MFF: variants seen among roughly 807,000 people sequenced by gnomAD.
MFF encodes the protein mitochondrial fission factor, also known as chromosome 2 open reading frame 33.
A neutral mutation model predicts 36.9 loss-of-function variants in MFF; 12 were observed. The observed-to-expected ratio is 0.33, with a 90% confidence interval of 0.21 to 0.53. MFF has a LOEUF of 0.53. Among genes scored for constraint, MFF ranks in the 20% least tolerant of loss-of-function variants. The pLI is 0.95. For missense variants in MFF, 348 were observed against 366.6 expected (o/e 0.95, Z 0.42); for synonymous variants, 99 against 126.2 (o/e 0.78, Z 1.44).
intron 6 of MFF, chr2:227,351,604 C>G (rs4553817): frequency 6.6e-6 from 1 of 152,110 alleles, no homozygotes; most frequent in Non-Finnish European, 1.5e-5. Flanking sequence ...CTCCAGTCTC[C>G]TTTCTCTGCT....
At chr2:227,330,873 C>G (rs1423925528) in intron 3 of MFF, 27 bp downstream of exon 3, 1 of 1,464,648 alleles carries the variant, frequency 6.8e-7, no homozygotes, top group South Asian at 1.3e-5. Context: ...TAGAAGGTTG[C>G]CTGTTAAATC....
At chr2:227,335,228 A>T (rs2074906254) in intron 4 of MFF, among the ~76,000 whole-genome samples, 1 of 152,042 alleles carries the variant, frequency 6.6e-6, no homozygotes, top group Non-Finnish European at 1.5e-5. Context: ...CCTTGAAAAC[A>T]TGTAAAGTTT....
At position 227,356,965 on chromosome 2, in the gene MFF, G is replaced by C. The variant is rs750672659; in HGVS notation, c.745-21G>C. On this transcript the variant is annotated intron_variant, in intron 8 of 8. Coordinates refer to ENST00000304593, the MANE Select transcript of MFF (RefSeq NM_001277062.2). Reference sequence around the variant, plus strand: ...TTAAAGCCTCTATATTATATTTTTTGTGTGTTTGTTTTTCACTTAGATAAT... The same window carrying C: ...TTAAAGCCTCTATATTATATTTTTTCTGTGTTTGTTTTTCACTTAGATAAT... The C allele has an allele frequency of 1.8e-5, 28 of 1,587,200 alleles. No homozygotes were observed. The Admixed American group carries it at 4.8e-4, about 27-fold the overall frequency.
At chr2:227,333,931 G>T (rs1233121439) in intron 4 of MFF, among the ~76,000 whole-genome samples, 1 of 152,116 alleles carries the variant, frequency 6.6e-6, no homozygotes, top group Admixed American at 6.5e-5. Context: ...AAGTTTGCCG[G>T]GATTTCCCTC....
chr2:227,351,976 G>C (rs1014827520), intron 6 of MFF: 2 of 152,730 alleles, frequency 1.3e-5, no homozygotes, highest in African/African-American at 4.8e-5. Flanking sequence ...AGACACAGCT[G>C]CAACGAGACA....
intron 4 of MFF, among the ~76,000 whole-genome samples, chr2:227,332,839 G>A (rs1033540099): frequency 2.6e-5 from 4 of 152,222 alleles, no homozygotes; most frequent in African/African-American, 9.6e-5. Flanking sequence ...TGAAGAAAGA[G>A]CCTTTATGGG....
At chr2:227,344,442 T>C (rs2075595388) in intron 5 of MFF, among the ~76,000 whole-genome samples, 1 of 152,220 alleles carries the variant, frequency 6.6e-6, no homozygotes, top group African/African-American at 2.4e-5. Context: ...AAAGCGCTGT[T>C]TCCCTCCACA....
chr2:227,344,195 A>G (rs2075577713), intron 5 of MFF, among the ~76,000 whole-genome samples: 1 of 152,168 alleles, frequency 6.6e-6, no homozygotes. Flanking sequence ...AAAATTTTCT[A>G]ATCTTTTCTT....
At position 227,340,379 on chromosome 2, in the gene MFF, CTG is replaced by C. The variant is rs1491399391; in HGVS notation, c.440+2_440+3del. ...TGGACAGCTGGTCAGAAATGATTCTCTGTGAGTAGAAGCACTAGCATTTTATC... is the reference window on the plus strand; with the variant it reads ...TGGACAGCTGGTCAGAAATGATTCTCTGAGTAGAAGCACTAGCATTTTATC... On this transcript the variant is annotated splice_donor_variant and coding_sequence_variant, in exon 5 of 9. Coordinates refer to ENST00000304593, the MANE Select transcript of MFF (RefSeq NM_001277062.2). LOFTEE classifies it high-confidence loss of function. 1.2e-6 allele frequency: 2 copies of C among 1,611,106 alleles called. No homozygotes were observed. The highest frequency in any genetic ancestry group is 2.2e-5 in the East Asian group (1 of 44,852).
intron 7 of MFF, among the ~76,000 whole-genome samples, chr2:227,353,802 A>G (rs1234486821): frequency 1.3e-5 from 2 of 152,202 alleles, no homozygotes; most frequent in Non-Finnish European, 2.9e-5. Context: ...CAGGATATAA[A>G]TTGTGAGTAA....
intron 1 of MFF, among the ~76,000 whole-genome samples, chr2:227,326,835 AT>A (rs1250344387): frequency 2.6e-5 from 4 of 152,128 alleles, no homozygotes; most frequent in Non-Finnish European, 5.9e-5. Flanking sequence ...TGAAAAGTAC[AT>A]AAACATTTGC....
intron 6 of MFF, among the ~76,000 whole-genome samples, chr2:227,349,252 A>G (rs1484295448): frequency 6.6e-6 from 1 of 152,126 alleles, no homozygotes; most frequent in Non-Finnish European, 1.5e-5. Context: ...ATAATGTGGA[A>G]CTTATAAAAA....
At chr2:227,340,217 G>T in intron 4 of MFF, 75 bp from the exon 5 acceptor site, 1 of 1,250,240 alleles carries the variant, frequency 8.0e-7, no homozygotes, top group South Asian at 1.3e-5. Flanking sequence ...TTGTATCGAG[G>T]TTCTTTTGAT....
chr2:227,346,751 G>A (rs1475627192), intron 5 of MFF: 1 of 125,684 alleles, frequency 8.0e-6, no homozygotes, highest in Non-Finnish European at 1.7e-5. Context: ...TTTACGAAGT[G>A]TTTGAAATGG....
At chr2:227,330,517 T>G in intron 2 of MFF, 109 bp from the exon 3 acceptor site, 1 of 722,478 alleles carries the variant, frequency 1.4e-6, no homozygotes, top group Non-Finnish European at 2.3e-6. Context: ...TACTTGCAAA[T>G]GAGAAGTTTC....
At chr2:227,351,471 A>G (rs1425926358) in intron 6 of MFF, among the ~76,000 whole-genome samples, 1 of 152,060 alleles carries the variant, frequency 6.6e-6, no homozygotes, top group Non-Finnish European at 1.5e-5. Flanking sequence ...GGTATTAAAC[A>G]TTTACCATTA....
intron 1 of MFF, among the ~76,000 whole-genome samples, chr2:227,328,306 AAAAAAAAAAAAAAAC>A (rs1223294102): frequency 1.4e-5 from 2 of 146,202 alleles, no homozygotes; most frequent in African/African-American, 2.5e-5. Flanking sequence ...AAAAAAAAAA[AAAAAAAAAAAAAAAC>A]CAATTCATTT....
chr2:227,347,196 T>A, intron 5 of MFF, 30 bp from the exon 6 acceptor site: 1 of 1,594,834 alleles, frequency 6.3e-7, no homozygotes, highest in Admixed American at 1.7e-5. Context: ...TGAGTGTTTT[T>A]CTCTTCATTT....
intron 2 of MFF, chr2:227,329,064 C>G (rs1046700123): frequency 1.3e-5 from 2 of 152,294 alleles, no homozygotes; most frequent in Non-Finnish European, 2.9e-5. Context: ...TGTATACTGT[C>G]TTTAACTTTT....
Sources: gnomAD v4.1 joint callset for allele counts (sites outside exome capture counted in the v4.1 genomes callset) on GRCh38, gnomAD v4.1.1 for gene constraint, MANE v1.5 for transcripts, NCBI Gene and HGNC (gene_info 2026-07-23, HGNC 2026-07-21) for gene names.